FCHO1: variants seen among roughly 807,000 people sequenced by gnomAD.
FCHO1 encodes the protein FCH and mu domain containing endocytic adaptor 1.
In FCHO1, 45 loss-of-function variants were observed where a neutral mutation model predicts 114.4. The observed-to-expected ratio is 0.39, with a 90% confidence interval of 0.31 to 0.50. The LOEUF (loss-of-function observed/expected upper bound fraction) is 0.50, where lower values mean the gene tolerates loss of function less well. Among genes scored for constraint, FCHO1 ranks in the 20% least tolerant of loss-of-function variants. The pLI is 0.77. For missense variants in FCHO1, 1,042 were observed against 1,209.6 expected (o/e 0.86, Z 2.06); for synonymous variants, 480 against 488.9 (o/e 0.98, Z 0.24).
intron 6 of FCHO1, among the ~76,000 whole-genome samples, chr19:17,765,064 T>G (rs1251224774): frequency 2.1e-5 from 3 of 145,530 alleles, no homozygotes; most frequent in Non-Finnish European, 4.5e-5. Flanking sequence ...AAACTCTGTT[T>G]TGAAAAAAAA....
rs1180737294 is a variant in FCHO1 at position 17,782,870 on chromosome 19, G to C, written c.1938-147G>C. On this transcript the variant is annotated intron_variant, in intron 23 of 28. Transcript: ENST00000596536. ...AGGCAGGAATGAAAGAGGAGGTTGG[G>C]GGAAAGGATACGGGGGATCATCAGG... 5 of 843,270 alleles carry C rather than the reference G, an allele frequency of 5.9e-6. No individual in the cohort carries two copies. The East Asian group carries it at 1.4e-4, about 23-fold the overall frequency. The allele number at this position is 843,270 out of a possible 1,614,324, so 52.2% of individuals were successfully genotyped here. A position where few individuals can be genotyped will look rare whatever the true frequency, so the allele number is the denominator to read the frequency against.
chr19:17,766,988 C>A (rs2089466668), intron 7 of FCHO1, among the ~76,000 whole-genome samples, 178 bp downstream of exon 7: 1 of 152,156 alleles, frequency 6.6e-6, no homozygotes, highest in Non-Finnish European at 1.5e-5. Flanking sequence ...TTCAAACTTG[C>A]AAAATTCCAG....
rs770802338 is a variant in FCHO1, at chr19:17,781,840, C to A, written c.1937+20C>A. On this transcript the variant is annotated intron_variant, in intron 23 of 28. Coordinates refer to ENST00000596536, the MANE Select transcript of FCHO1 (RefSeq NM_015122.3). ...CCCCAGGTACCCAGTGATGGGCAGACAGGGCCCGTGGGAAGTCTGTGTTGG... is the reference window on the plus strand; with the variant it reads ...CCCCAGGTACCCAGTGATGGGCAGAAAGGGCCCGTGGGAAGTCTGTGTTGG... 7 of 1,513,168 alleles carry A rather than the reference C, an allele frequency of 4.6e-6. No individual in the cohort carries two copies. The highest frequency in any genetic ancestry group is 1.8e-6 in the Non-Finnish European group (2 of 1,112,100). 93.7% of individuals were successfully genotyped at this position (1,513,168 alleles called of 1,614,324 possible).
At chr19:17,759,139 C>T (rs139326801) in intron 4 of FCHO1, among the ~76,000 whole-genome samples, 1 of 152,018 alleles carries the variant, frequency 6.6e-6, no homozygotes, top group East Asian at 1.9e-4. Flanking sequence ...GCATCAGATC[C>T]CTCCACAAGC....
intron 20 of FCHO1, among the ~76,000 whole-genome samples, chr19:17,780,015 C>T (rs1015300876): frequency 2.0e-5 from 3 of 151,738 alleles, no homozygotes; most frequent in Non-Finnish European, 4.4e-5. Flanking sequence ...GCCCCCGAGT[C>T]AGAGGGACTG....
chr19:17,775,302 T>G lies in FCHO1; in HGVS notation c.946-154T>G, dbSNP rs1337686060. ...CGAAGCTCAGTTTGTCCCAGGAACCTGCCCACACACCCAGGGAAGACAGTC... is the reference window on the plus strand; with the variant it reads ...CGAAGCTCAGTTTGTCCCAGGAACCGGCCCACACACCCAGGGAAGACAGTC... On this transcript the variant is annotated intron_variant, in intron 14 of 28. Transcript: ENST00000596536. The surrounding 1 kb of genome is among the most constrained non-coding windows in gnomAD (Gnocchi z 5.1). Among the ~76,000 whole-genome samples the G allele has an allele frequency of 6.6e-6, 1 of 152,152 alleles. No homozygotes were observed. Among genetic ancestry groups the G allele is most frequent in the Non-Finnish European group, 1.5e-5 (1 of 68,038 alleles).
rs527255425 is a variant in FCHO1, at chr19:17,776,365, G to T, written c.1207+94G>T. ...TCATAACTCCGTTTTGTAACTTTGG[G>T]CAGGCTGCTTAACCACACTGACCTT... On this transcript the variant is annotated intron_variant, in intron 17 of 28. Transcript: ENST00000596536. The surrounding 1 kb of genome is among the most constrained non-coding windows in gnomAD (Gnocchi z 4.4). 24 of 1,511,238 alleles carry T rather than the reference G, an allele frequency of 1.6e-5. No individual in the cohort carries two copies. In the African/African-American group the frequency reaches 3.2e-4, roughly 20 times the overall value. 93.6% of individuals were successfully genotyped at this position (1,511,238 alleles called of 1,614,324 possible).
intron 24 of FCHO1, among the ~76,000 whole-genome samples, chr19:17,783,866 C>T (rs1056686734): frequency 2.0e-5 from 3 of 152,208 alleles, no homozygotes; most frequent in African/African-American, 7.2e-5. Flanking sequence ...CAAGCATGAG[C>T]CACCACACCC....
intron 26 of FCHO1, 115 bp downstream of exon 26, chr19:17,785,039 C>A: frequency 2.0e-6 from 2 of 1,001,926 alleles, no homozygotes; most frequent in Non-Finnish European, 3.0e-6. Context: ...AACTGTGAGC[C>A]CACCCTGCTT....
chr19:17,748,510 G>A (rs185918365), upstream of FCHO1, among the ~76,000 whole-genome samples: 6 of 151,806 alleles, frequency 4.0e-5, no homozygotes, highest in Middle Eastern at 3.4e-3. Context: ...CTGGACTTGG[G>A]GGGGGGGTCC....
chr19:17,755,484 C>G (rs1170960476), intron 4 of FCHO1: 2 of 285,966 alleles, frequency 7.0e-6, no homozygotes, highest in East Asian at 7.0e-5. Context: ...AGTCAGTGCT[C>G]AAACCCAGGG....
rs2093658751 is a variant in FCHO1, at chr19:17,784,043, G to A, written c.2094-60G>A. 2.5e-6 allele frequency: 4 copies of A among 1,574,506 alleles called. No individual in the cohort carries two copies. In the East Asian group the frequency reaches 6.8e-5, roughly 27 times the overall value. ...ATCTTTAGGAAGGGGTAGATTGAAT[G>A]CTGGGAGCCCTGGGAGGGCATGTCC... On this transcript the variant is annotated intron_variant, in intron 24 of 28. Coordinates refer to ENST00000596536, the MANE Select transcript of FCHO1 (RefSeq NM_015122.3). The surrounding 1 kb of genome is among the most constrained non-coding windows in gnomAD (Gnocchi z 5.3).
At chr19:17,768,175 TCTC>T (rs1347512013) in intron 7 of FCHO1, among the ~76,000 whole-genome samples, 1 of 152,142 alleles carries the variant, frequency 6.6e-6, no homozygotes, top group African/African-American at 2.4e-5. Flanking sequence ...TTCAAGCAAT[TCTC>T]CTGCCTCAGC....
chr19:17,786,620 G>A lies in FCHO1; in HGVS notation c.2473G>A (p.Glu825Lys), dbSNP rs757619988. 53 of 1,610,700 alleles carry A rather than the reference G, an allele frequency of 3.3e-5. No homozygotes were observed. The highest frequency in any genetic ancestry group is 4.3e-5 in the Non-Finnish European group (51 of 1,178,584). The change falls in exon 27 of 29, where the codon GAG becomes AAG. Residue 825 changes from glutamate to lysine, a missense_variant. By Grantham distance (56) the Glu-to-Lys change is moderately conservative. Around this residue, in one of 3 missense-constraint regions of FCHO1, gnomAD observed 137 missense variants for 190.0 expected, o/e 0.72. Coordinates refer to ENST00000596536, the MANE Select transcript of FCHO1 (RefSeq NM_015122.3). ...CACTTGGAGGCTTCCAGATGTGTCCGAGGCAGGCGGTGAGCTGTGGTTGTG... is the reference window on the plus strand; with the variant it reads ...CACTTGGAGGCTTCCAGATGTGTCCAAGGCAGGCGGTGAGCTGTGGTTGTG... ...RLTWRLPDVS[E>K]AGGSGRLSAS... is the part of the protein sequence containing the mutation.
rs563733641 is a variant in FCHO1 at position 17,751,819 on chromosome 19, C to T, written c.-183+242C>T. Among the ~76,000 whole-genome samples, 10 of 152,310 alleles carry T rather than the reference C, an allele frequency of 6.6e-5. No homozygotes were observed. Among genetic ancestry groups the T allele is most frequent in the Non-Finnish European group, 1.0e-4 (7 of 68,022 alleles). On this transcript the variant is annotated intron_variant, in intron 1 of 28. Transcript: ENST00000596536. The surrounding 1 kb of genome is among the most constrained non-coding windows in gnomAD (Gnocchi z 4.4). ...GAGCTTGGAAACCCAGAGAGCCACG[C>T]GTGATGGTTTCAAACAGGAGGTCAT...
At position 17,784,771 on chromosome 19, in the gene FCHO1, A is replaced by G. The variant is rs1403635582; in HGVS notation, c.2273A>G (p.His758Arg). The change falls in exon 26 of 29, where the codon CAC becomes CGC. Residue 758 changes from histidine to arginine, a missense_variant. By Grantham distance (29) the His-to-Arg change is conservative. Coordinates refer to ENST00000596536, the MANE Select transcript of FCHO1 (RefSeq NM_015122.3). This position sits in a 1 kb window ranked among gnomAD's most constrained non-coding sequence, Gnocchi z 5.3. ...TCTGTGCCTCTGCAGCTCAGTGCCC[A>G]CTGGCAGTGTGGAGCCACCCTCACC... ...PQSVPLQLSAHWQCGATLTQV... is the reference protein window; with the variant it reads ...PQSVPLQLSARWQCGATLTQV... The G allele has an allele frequency of 2.5e-6, 4 of 1,613,722 alleles. No homozygotes were observed. The highest frequency in any genetic ancestry group is 1.3e-5 in the African/African-American group (1 of 74,832).
Position 17,781,549 on chromosome 19 carries a change from G to A in FCHO1, c.1828+10G>A. 5 of 1,613,638 alleles carry A rather than the reference G, an allele frequency of 3.1e-6. No individual in the cohort carries two copies. Among genetic ancestry groups the A allele is most frequent in the Non-Finnish European group, 4.2e-6 (5 of 1,179,804 alleles). On this transcript the variant is annotated intron_variant, in intron 22 of 28. Coordinates refer to ENST00000596536, the MANE Select transcript of FCHO1 (RefSeq NM_015122.3). ...TCCCAGACAGGACACGGTATGTGAGGGCGGTCCTGGGCCTGGCTTTGGGCC... is the reference window on the plus strand; with the variant it reads ...TCCCAGACAGGACACGGTATGTGAGAGCGGTCCTGGGCCTGGCTTTGGGCC...
At chr19:17,781,974 G>A (rs1255665709) in intron 23 of FCHO1, among the ~76,000 whole-genome samples, 154 bp downstream of exon 23, 4 of 149,756 alleles carry the variant, frequency 2.7e-5, no homozygotes, top group African/African-American at 9.9e-5. Flanking sequence ...GGGCAGTGGA[G>A]CCATAGGAGG....
At chr19:17,758,148 G>A (rs886675525) in intron 4 of FCHO1, among the ~76,000 whole-genome samples, 1 of 151,982 alleles carries the variant, frequency 6.6e-6, no homozygotes, top group Non-Finnish European at 1.5e-5. Flanking sequence ...CCAGGAGACA[G>A]AGCTTGCAGT....
Sources: allele counts gnomAD v4.1 joint callset (sites outside exome capture counted in the v4.1 genomes callset), GRCh38; gene constraint gnomAD v4.1.1; regional missense constraint gnomAD v4.1.1; non-coding constraint Gnocchi (gnomAD v3.1); transcripts MANE v1.5; gene names NCBI Gene and HGNC (gene_info 2026-07-23, HGNC 2026-07-21).